CAMTA1: variants seen among roughly 807,000 people sequenced by gnomAD.
CAMTA1 encodes the protein calmodulin binding transcription activator 1.
CAMTA1 carries 27 observed loss-of-function variants against 170.9 expected under a neutral mutation model. The ratio of observed to expected loss-of-function variants is 0.16; its 90% CI spans 0.12 to 0.22. The LOEUF (loss-of-function observed/expected upper bound fraction) is 0.22. CAMTA1 is among the 10% of genes least tolerant of loss of function. The pLI, the probability that CAMTA1 is intolerant of heterozygous loss-of-function variation, is 1.00. For synonymous variants in CAMTA1, 833 were observed against 891.5 expected (o/e 0.93, Z 1.17); for missense variants, 1,619 against 2,217.2 (o/e 0.73, Z 5.42).
chr1:7,564,705 C>T (rs1014844730), intron 6 of CAMTA1, among the ~76,000 whole-genome samples: 2 of 151,950 alleles, frequency 1.3e-5, no homozygotes, highest in Non-Finnish European at 2.9e-5. Flanking sequence ...GGCCCTCTGC[C>T]CTCCCAGTGT....
In CAMTA1 at chr1:7,748,860, T is replaced by C. The variant is rs1353225831; in HGVS notation, c.4689+1079T>C. Among the ~76,000 whole-genome samples, 1 of 152,206 alleles carries C rather than the reference T, an allele frequency of 6.6e-6. No individual in the cohort carries two copies. Among genetic ancestry groups the C allele is most frequent in the Non-Finnish European group, 1.5e-5 (1 of 68,038 alleles). ...AAACCACCTTGTAGGGTTATGTAAC[T>C]AGTCAGATGGGAAAGGGAAGTCATA... On this transcript the variant is annotated intron_variant, in intron 19 of 22. Transcript: ENST00000303635. This position sits in a 1 kb window ranked among gnomAD's most constrained non-coding sequence, Gnocchi z 4.7.
At chr1:7,471,279 G>A (rs925576432) in intron 6 of CAMTA1, among the ~76,000 whole-genome samples, 1 of 152,230 alleles carries the variant, frequency 6.6e-6, no homozygotes, top group African/African-American at 2.4e-5. Context: ...GGCTATGAGC[G>A]AGGAGACGGG....
Position 7,160,336 on chromosome 1 carries a change from C to T in CAMTA1, c.302+68965C>T, listed in dbSNP as rs114739877. Among the ~76,000 whole-genome samples the T allele has an allele frequency of 8.6e-3, 1,317 of 152,304 alleles. 25 individuals are homozygous for T. The highest frequency in any genetic ancestry group is 0.03 in the African/African-American group (1,240 of 41,562). On this transcript the variant is annotated intron_variant, in intron 4 of 22. Coordinates refer to ENST00000303635, the MANE Select transcript of CAMTA1 (RefSeq NM_015215.4). The stretch of plus-strand genomic sequence containing the variant: ...ACTCCCCCTGTCCCTCCCCAAATGT[C>T]CTGAAATTGTCCAAAGTGGCTGTCT...
chr1:7,349,943 A>C (rs939496013), intron 5 of CAMTA1, among the ~76,000 whole-genome samples: 28 of 152,114 alleles, frequency 1.8e-4, no homozygotes, highest in African/African-American at 6.8e-4. Context: ...TGAGAACAGG[A>C]GGGAACTTCT....
At chr1:7,741,858 C>T (rs546319320) in intron 16 of CAMTA1, among the ~76,000 whole-genome samples, 49 of 151,418 alleles carry the variant, frequency 3.2e-4, no homozygotes, top group African/African-American at 1.0e-3. Context: ...AGGATGGTCT[C>T]GATCTCCTGA....
intron 11 of CAMTA1, among the ~76,000 whole-genome samples, chr1:7,679,619 A>C (rs1448599708): frequency 6.7e-6 from 1 of 148,220 alleles, no homozygotes; most frequent in Non-Finnish European, 1.5e-5. Context: ...GTGGGCCTCC[A>C]AGTTGAAATA....
At chr1:7,149,928 G>A (rs751267334) in intron 4 of CAMTA1, among the ~76,000 whole-genome samples, 1 of 152,226 alleles carries the variant, frequency 6.6e-6, no homozygotes, top group Non-Finnish European at 1.5e-5. Flanking sequence ...CTTCCTTGCC[G>A]TACCTGGGGG....
In CAMTA1 at chr1:7,092,715, A is replaced by G. The variant is rs2148149342; in HGVS notation, c.302+1344A>G. On this transcript the variant is annotated intron_variant, in intron 4 of 22. Transcript: ENST00000303635. This position sits in a 1 kb window ranked among gnomAD's most constrained non-coding sequence, Gnocchi z 5.0. ...CCTGCAAGCTTAGTGACTTTAAACA[A>G]CAAATCTTTATTTTCTGCTCATGGG... 6.6e-6 allele frequency among the ~76,000 whole-genome samples: 1 copy of G among 152,374 alleles called. No individual in the cohort carries two copies. The highest frequency in any genetic ancestry group is 1.9e-4 in the East Asian group (1 of 5,190).
At chr1:7,573,834 C>T (rs746445066) in intron 6 of CAMTA1, among the ~76,000 whole-genome samples, 3 of 152,120 alleles carry the variant, frequency 2.0e-5, no homozygotes, top group African/African-American at 2.4e-5. Flanking sequence ...AGTGCAGTGG[C>T]GCCATCTTGG....
intron 5 of CAMTA1, among the ~76,000 whole-genome samples, chr1:7,427,254 G>A (rs911023068): frequency 5.3e-5 from 8 of 152,288 alleles, no homozygotes; most frequent in Non-Finnish European, 7.3e-5. Context: ...GAAAAGCTCC[G>A]TTCCTATTTG....
At chr1:7,009,610 C>T (rs373680694) in intron 3 of CAMTA1, among the ~76,000 whole-genome samples, 3 of 152,236 alleles carry the variant, frequency 2.0e-5, no homozygotes, top group East Asian at 1.9e-4. Context: ...CATCACACTG[C>T]GGCATCACGG....
intron 5 of CAMTA1, among the ~76,000 whole-genome samples, chr1:7,261,386 G>A (rs1193377624): frequency 2.6e-5 from 4 of 152,338 alleles, no homozygotes; most frequent in Middle Eastern, 3.4e-3. Context: ...GACCAGGATG[G>A]TGTATTTGCC....
At position 7,663,642 on chromosome 1, in the gene CAMTA1, G is replaced by T; in HGVS notation, c.1095G>T (p.Gly365=). 2 of 1,614,172 alleles carry T rather than the reference G, an allele frequency of 1.2e-6. No individual in the cohort carries two copies. The highest frequency in any genetic ancestry group is 3.3e-5 in the Admixed American group (2 of 60,028). ...TQSSPVSISS[G]LNSDPDMVDS... Reference sequence around the variant, plus strand: ...GCTCCCCTGTGTCCATCAGCAGCGGGCTCAACAGCGACCCGGACATGGTGG... The same window carrying T: ...GCTCCCCTGTGTCCATCAGCAGCGGTCTCAACAGCGACCCGGACATGGTGG... The change falls in exon 9 of 23, where the codon GGG becomes GGT. Residue 365 remains glycine, a synonymous_variant. Transcript: ENST00000303635.
rs371741596 is a variant in CAMTA1 at position 7,266,038 on chromosome 1, A to C, written c.438+16412A>C. On this transcript the variant is annotated intron_variant, in intron 5 of 22. Transcript: ENST00000303635. ...GTACTTGGCTGTTGCTTCTAGCTTAAATATTAAAGTCTCTGCTGGTGGATG... is the reference window on the plus strand; with the variant it reads ...GTACTTGGCTGTTGCTTCTAGCTTACATATTAAAGTCTCTGCTGGTGGATG... Among the ~76,000 whole-genome samples, 126 of 152,356 alleles carry C rather than the reference A, an allele frequency of 8.3e-4. 6 individuals carry two copies. The South Asian group carries it at 0.025, about 30-fold the overall frequency.
chr1:7,734,362 G>A (rs1383308565), intron 12 of CAMTA1, among the ~76,000 whole-genome samples: 1 of 152,170 alleles, frequency 6.6e-6, no homozygotes, highest in Non-Finnish European at 1.5e-5. Context: ...TAAAAGGAAT[G>A]GTATGTAATG....
Position 7,677,726 on chromosome 1 carries a change from G to A in CAMTA1, c.2907G>A (p.Ser969=), listed in dbSNP as rs772309601. 1.1e-5 allele frequency: 18 copies of A among 1,613,562 alleles called. No individual in the cohort carries two copies. In the Admixed American group the frequency reaches 1.5e-4, roughly 13 times the overall value. Residue 969 remains serine (S), a synonymous_variant, in exon 11 of 23, where the codon TCG becomes TCA. Coordinates refer to ENST00000303635, the MANE Select transcript of CAMTA1 (RefSeq NM_015215.4). The part of the protein sequence containing the change: ...TLPSSQHDWL[S]LDDNQFRMSI... ...CTTCCTCCCAGCACGACTGGCTGTC[G>A]TTGGACGGTAAGAACAGTGCTTGGG...
At chr1:7,101,634 G>T (rs1642713991) in intron 4 of CAMTA1, among the ~76,000 whole-genome samples, 1 of 152,252 alleles carries the variant, frequency 6.6e-6, no homozygotes, top group African/African-American at 2.4e-5. Flanking sequence ...TGCGTTGTGT[G>T]TGTGAGCTTA....
intron 6 of CAMTA1, among the ~76,000 whole-genome samples, chr1:7,573,939 A>G (rs2095157358): frequency 6.6e-6 from 1 of 151,848 alleles, no homozygotes; most frequent in Non-Finnish European, 1.5e-5. Context: ...ATGCCCGGCT[A>G]ATTTTTGTAT....
At chr1:7,029,099 G>A (rs944196819) in intron 3 of CAMTA1, among the ~76,000 whole-genome samples, 1 of 152,168 alleles carries the variant, frequency 6.6e-6, no homozygotes, top group Non-Finnish European at 1.5e-5. Flanking sequence ...ATTCTTTAGG[G>A]TTGTTAGAGG....
Sources: gnomAD v4.1 joint callset for allele counts (sites outside exome capture counted in the v4.1 genomes callset) on GRCh38, gnomAD v4.1.1 for gene constraint, Gnocchi (gnomAD v3.1) non-coding constraint, MANE v1.5 for transcripts, NCBI Gene and HGNC (gene_info 2026-07-23, HGNC 2026-07-21) for gene names.